Variants in GPR39 observed in about 807,000 individuals in gnomAD.
GPR39 encodes G protein-coupled receptor 39, also known as zinc sensing receptor.
In GPR39, 23 loss-of-function variants were observed where a neutral mutation model predicts 18.4. That is an observed-to-expected ratio of 1.25 (90% CI 0.90 to 1.77). The LOEUF (loss-of-function observed/expected upper bound fraction) is 1.77, where lower values mean the gene tolerates loss of function less well. GPR39 is among the 40% of genes most tolerant of loss of function. The pLI, the probability that GPR39 is intolerant of heterozygous loss-of-function variation, is 0.00. For missense variants in GPR39, 647 were observed against 602.4 expected, an observed-to-expected ratio of 1.07 and a Z score of -0.78; for synonymous variants, 280 against 257.9, an observed-to-expected ratio of 1.09 and a Z score of -0.82.
intron 1 of GPR39, among the ~76,000 whole-genome samples, chr2:132,595,253 C>T (rs549430450): frequency 3.9e-5 from 6 of 152,268 alleles, no homozygotes; most frequent in Middle Eastern, 3.4e-3. Flanking sequence ...CCACCTGCCT[C>T]GGCCTCCCAA....
chr2:132,453,960 G>A (rs1680675377), intron 1 of GPR39, among the ~76,000 whole-genome samples: 1 of 152,168 alleles, frequency 6.6e-6, no homozygotes, highest in Admixed American at 6.5e-5. Flanking sequence ...TCCTGGCAAT[G>A]TGGGCTCTTT....
At chr2:132,445,652 T>A (rs1680521304) in intron 1 of GPR39, among the ~76,000 whole-genome samples, 1 of 141,140 alleles carries the variant, frequency 7.1e-6, no homozygotes, top group Non-Finnish European at 1.6e-5. Context: ...TGTTGTGTCT[T>A]CGCTTCTATG....
rs578133497 is a variant in GPR39, at chr2:132,516,158, G to A, written c.856+98260G>A. Among the ~76,000 whole-genome samples the A allele has an allele frequency of 4.6e-5, 7 of 152,244 alleles. No individual in the cohort carries two copies. In the South Asian group the frequency reaches 1.4e-3, roughly 32 times the overall value. On this transcript the variant is annotated intron_variant, in intron 1 of 1. Transcript: ENST00000329321. The stretch of plus-strand genomic sequence containing the variant: ...CACCTCTTGCTCGCCAGGCTTTTGA[G>A]GGAGGGAAATTCTCAGCGTCCTTGG...
At chr2:132,577,262 T>A (rs1680545601) in intron 1 of GPR39, among the ~76,000 whole-genome samples, 1 of 151,774 alleles carries the variant, frequency 6.6e-6, no homozygotes, top group Non-Finnish European at 1.5e-5. Flanking sequence ...GAGACTGAGG[T>A]GGGAGGATTG....
chr2:132,609,335 G>A (rs558877926), intron 1 of GPR39, among the ~76,000 whole-genome samples: 1 of 152,354 alleles, frequency 6.6e-6, no homozygotes, highest in South Asian at 2.1e-4. Flanking sequence ...CTCCGTGCCA[G>A]GTATTGTGCT....
intron 1 of GPR39, among the ~76,000 whole-genome samples, chr2:132,579,803 T>G (rs1680593885): frequency 6.6e-6 from 1 of 152,206 alleles, no homozygotes; most frequent in African/African-American, 2.4e-5. Flanking sequence ...TGACTTATCC[T>G]TAAATGTTTC....
At chr2:132,609,986 T>C (rs909934855) in intron 1 of GPR39, among the ~76,000 whole-genome samples, 3 of 152,056 alleles carry the variant, frequency 2.0e-5, no homozygotes, top group African/African-American at 7.2e-5. Flanking sequence ...CTCTGCTTGG[T>C]ACCTGCCTGT....
chr2:132,468,785 G>T (rs925521302), intron 1 of GPR39, among the ~76,000 whole-genome samples: 2 of 152,186 alleles, frequency 1.3e-5, no homozygotes, highest in Non-Finnish European at 2.9e-5. Flanking sequence ...CGTTATGAAG[G>T]CTGAAAGTAG....
At chr2:132,636,162 G>T (rs1022287844) in intron 1 of GPR39, among the ~76,000 whole-genome samples, 1 of 152,190 alleles carries the variant, frequency 6.6e-6, no homozygotes, top group Non-Finnish European at 1.5e-5. Context: ...AGTGGTAGCT[G>T]GTGTCTGGTT....
At chr2:132,484,041 A>C (rs1681284817) in intron 1 of GPR39, among the ~76,000 whole-genome samples, 1 of 152,238 alleles carries the variant, frequency 6.6e-6, no homozygotes, top group Non-Finnish European at 1.5e-5. Context: ...AACTGAGTTC[A>C]AAACACAGGT....
At chr2:132,492,582 C>CACCATATATAT in intron 1 of GPR39, among the ~76,000 whole-genome samples, 1 of 134,278 alleles carries the variant, frequency 7.4e-6, no homozygotes, top group African/African-American at 3.0e-5. Flanking sequence ...CATATATATA[C>CACCATATATAT]ACACCATATA....
At chr2:132,465,543 G>A (rs1190946282) in intron 1 of GPR39, among the ~76,000 whole-genome samples, 2 of 152,180 alleles carry the variant, frequency 1.3e-5, no homozygotes, top group African/African-American at 4.8e-5. Context: ...GGATGGCAAA[G>A]AGCATGGTAG....
chr2:132,551,994 A>G (rs1390026825), intron 1 of GPR39, among the ~76,000 whole-genome samples: 1 of 152,224 alleles, frequency 6.6e-6, no homozygotes, highest in Non-Finnish European at 1.5e-5. Context: ...TAGCACCAAT[A>G]GGATGTGTGG....
intron 1 of GPR39, among the ~76,000 whole-genome samples, chr2:132,446,996 G>A (rs181442767): frequency 6.6e-6 from 1 of 152,310 alleles, no homozygotes; most frequent in Admixed American, 6.5e-5. Context: ...ATAGTGTTGG[G>A]CAGACAAGGT....
chr2:132,447,490 A>T (rs866210708), intron 1 of GPR39, among the ~76,000 whole-genome samples: 19 of 152,156 alleles, frequency 1.2e-4, no homozygotes, highest in Admixed American at 1.2e-3. Context: ...TTGCTTAGAG[A>T]TATCTTCAGC....
At chr2:132,426,794 A>G (rs1680126361) in intron 1 of GPR39, among the ~76,000 whole-genome samples, 3 of 152,188 alleles carry the variant, frequency 2.0e-5, no homozygotes, top group African/African-American at 7.2e-5. Flanking sequence ...GTTGGAGAGC[A>G]GTGGTGTTAC....
intron 1 of GPR39, among the ~76,000 whole-genome samples, chr2:132,502,023 A>C (rs1278712365): frequency 6.6e-6 from 1 of 152,152 alleles, no homozygotes; most frequent in Non-Finnish European, 1.5e-5. Flanking sequence ...GTGAATTCTT[A>C]TTCATTCTGC....
In GPR39 at chr2:132,646,254, A is replaced by C. The variant is rs1682069889; in HGVS notation, c.*648A>C. Reference sequence around the variant, plus strand: ...GAGGCGATGAGACAGGCCGCTGATGATGCACAGGACTTGCGGTACATGATC... The same window carrying C: ...GAGGCGATGAGACAGGCCGCTGATGCTGCACAGGACTTGCGGTACATGATC... On this transcript the variant is annotated 3_prime_UTR_variant, in exon 2 of 2. Transcript: ENST00000329321. 1.3e-6 allele frequency: 2 copies of C among 1,570,772 alleles called. No individual in the cohort carries two copies. Among genetic ancestry groups the C allele is most frequent in the Non-Finnish European group, 1.7e-6 (2 of 1,155,506 alleles).
chr2:132,617,009 C>T (rs955758140), intron 1 of GPR39, among the ~76,000 whole-genome samples: 1 of 152,144 alleles, frequency 6.6e-6, no homozygotes, highest in African/African-American at 2.4e-5. Flanking sequence ...AATTTTTTTC[C>T]AGTAGCACAG....
Sources: allele counts gnomAD v4.1 joint callset (sites outside exome capture counted in the v4.1 genomes callset), GRCh38; gene constraint gnomAD v4.1.1; transcripts MANE v1.5; gene names NCBI Gene and HGNC (gene_info 2026-07-23, HGNC 2026-07-21).